KCNN2: variants seen among roughly 807,000 people sequenced by gnomAD.
The protein encoded by KCNN2 is potassium calcium-activated channel subfamily N member 2.
In KCNN2, 24 loss-of-function variants were observed where a neutral mutation model predicts 55.5. The ratio of observed to expected loss-of-function variants is 0.43; its 90% CI spans 0.31 to 0.61. The LOEUF (loss-of-function observed/expected upper bound fraction) is 0.61. Ranked by LOEUF, KCNN2 falls within the 20% of genes least tolerant of loss-of-function variation. KCNN2 has a pLI of 0.08. For missense variants in KCNN2, 754 were observed against 853.6 expected, an observed-to-expected ratio of 0.88 and a Z score of 1.45; for synonymous variants, 431 against 336.1, an observed-to-expected ratio of 1.28 and a Z score of -3.09.
intron 2 of KCNN2, among the ~76,000 whole-genome samples, chr5:114,366,895 A>G (rs936164680): frequency 1.3e-5 from 2 of 152,262 alleles, no homozygotes; most frequent in African/African-American, 2.4e-5. Context: ...CATATAATCT[A>G]AAAGGACAGT....
At chr5:114,484,145 A>C (rs34512774) in intron 5 of KCNN2, among the ~76,000 whole-genome samples, 29,372 of 152,108 alleles carry the variant, frequency 0.19, 3,037 homozygotes, top group African/African-American at 0.28. Flanking sequence ...ATAGACATTT[A>C]TTTAGTACGA....
At chr5:114,290,127 T>G (rs1297353309) in intron 2 of KCNN2, among the ~76,000 whole-genome samples, 16 of 152,164 alleles carry the variant, frequency 1.1e-4, no homozygotes, top group Admixed American at 1.0e-3. Context: ...ATAGAATGAG[T>G]TAGAATATGT....
chr5:114,094,384 C>CAAG (rs1561472843), intron 1 of KCNN2, among the ~76,000 whole-genome samples: 2 of 152,110 alleles, frequency 1.3e-5, no homozygotes, highest in Admixed American at 1.3e-4. Flanking sequence ...TCAGCTTATA[C>CAAG]CATTGCAGAA....
intron 2 of KCNN2, among the ~76,000 whole-genome samples, chr5:114,318,569 A>G (rs1439914615): frequency 2.0e-5 from 3 of 151,478 alleles, no homozygotes; most frequent in Admixed American, 1.3e-4. Flanking sequence ...TGATAATATC[A>G]TAATGTAATT....
At chr5:114,466,622 C>CTTTT (rs1298617526) in intron 4 of KCNN2, among the ~76,000 whole-genome samples, 2 of 151,812 alleles carry the variant, frequency 1.3e-5, no homozygotes, top group East Asian at 3.9e-4. Context: ...CTCATTTGTT[C>CTTTT]TTTTTGCTTC....
At chr5:114,462,362 G>A (rs1761248632) in intron 3 of KCNN2, among the ~76,000 whole-genome samples, 1 of 152,146 alleles carries the variant, frequency 6.6e-6, no homozygotes, top group African/African-American at 2.4e-5. Flanking sequence ...TAAGTTCTTT[G>A]TGTATAACTG....
chr5:114,105,564 C>T (rs1416235236), intron 1 of KCNN2, among the ~76,000 whole-genome samples: 5 of 152,046 alleles, frequency 3.3e-5, no homozygotes, highest in Non-Finnish European at 7.4e-5. Context: ...CCATTTATAA[C>T]AATGTGTATA....
chr5:114,252,667 C>A (rs936520223), intron 2 of KCNN2, among the ~76,000 whole-genome samples: 1 of 151,612 alleles, frequency 6.6e-6, no homozygotes, highest in African/African-American at 2.4e-5. Flanking sequence ...TTCCCCCCAA[C>A]CCCCACCCCC....
At chr5:114,074,283 G>A (rs1033514747) in intron 1 of KCNN2, among the ~76,000 whole-genome samples, 81 of 139,272 alleles carry the variant, frequency 5.8e-4, no homozygotes, top group African/African-American at 8.3e-4. Context: ...AATTTTAAAG[G>A]CCATGTTTGC....
At chr5:114,272,836 A>G (rs1323599823) in intron 2 of KCNN2, among the ~76,000 whole-genome samples, 1 of 152,120 alleles carries the variant, frequency 6.6e-6, no homozygotes, top group African/African-American at 2.4e-5. Context: ...ATCAACTGCA[A>G]AAACTTGTCT....
At chr5:114,430,020 T>C (rs1179631136) in intron 3 of KCNN2, among the ~76,000 whole-genome samples, 3 of 152,030 alleles carry the variant, frequency 2.0e-5, no homozygotes, top group Non-Finnish European at 4.4e-5. Context: ...ACTGTCTTGA[T>C]TAATGGCACA....
At chr5:114,289,025 G>A (rs180776864) in intron 2 of KCNN2, among the ~76,000 whole-genome samples, 39 of 152,236 alleles carry the variant, frequency 2.6e-4, no homozygotes, top group African/African-American at 9.2e-4. Context: ...AATTTGTGCA[G>A]ATGGCGTAGA....
chr5:114,414,960 G>A (rs549255691), intron 3 of KCNN2, among the ~76,000 whole-genome samples: 1 of 152,270 alleles, frequency 6.6e-6, no homozygotes, highest in South Asian at 2.1e-4. Context: ...TCATCTCCGT[G>A]CCCATTTGCA....
At chr5:114,444,085 C>G (rs1057163252) in intron 3 of KCNN2, among the ~76,000 whole-genome samples, 1 of 152,174 alleles carries the variant, frequency 6.6e-6, no homozygotes, top group African/African-American at 2.4e-5. Flanking sequence ...TTACAATGGA[C>G]TAAGCCTCTG....
chr5:114,476,490 A>G (rs1761972811), intron 5 of KCNN2, among the ~76,000 whole-genome samples: 1 of 149,806 alleles, frequency 6.7e-6, no homozygotes, highest in East Asian at 2.0e-4. Flanking sequence ...GCTGCAGTAC[A>G]GTGGCGCAAC....
intron 4 of KCNN2, among the ~76,000 whole-genome samples, chr5:114,468,575 C>G (rs1487919620): frequency 6.6e-6 from 1 of 152,040 alleles, no homozygotes; most frequent in African/African-American, 2.4e-5. Flanking sequence ...GGCTGTCAAA[C>G]TGAATTTTGA....
intron 2 of KCNN2, among the ~76,000 whole-genome samples, chr5:114,348,581 A>T (rs12189161): frequency 0.31 from 46,843 of 151,966 alleles, 7,478 homozygotes; most frequent in Non-Finnish European, 0.35. Context: ...ATTAAGAGAA[A>T]TCTAATTTCC....
chr5:114,346,962 T>A (rs1271098349), intron 2 of KCNN2, among the ~76,000 whole-genome samples: 2 of 152,162 alleles, frequency 1.3e-5, no homozygotes, highest in African/African-American at 4.8e-5. Context: ...AAGGCTGGAA[T>A]CATTTGAGAA....
intron 6 of KCNN2, 65 bp from the exon 7 acceptor site, chr5:114,493,338 T>G (rs1156998790): frequency 1.0e-6 from 1 of 994,528 alleles, no homozygotes; most frequent in East Asian, 2.4e-5. Flanking sequence ...GTGCATGCTC[T>G]TTGGAAGGCA....
Sources: allele counts gnomAD v4.1 joint callset (sites outside exome capture counted in the v4.1 genomes callset), GRCh38; gene constraint gnomAD v4.1.1; transcripts MANE v1.5; gene names NCBI Gene and HGNC (gene_info 2026-07-23, HGNC 2026-07-21).